The following ANO3 variants were observed in gnomAD, a reference collection of about 807,000 sequenced individuals.
The protein encoded by ANO3 is anoctamin-3.
Under a neutral mutation model 144.8 loss-of-function variants are expected in ANO3, and 99 were observed. The observed-to-expected ratio is 0.68, with a 90% confidence interval of 0.58 to 0.81. The LOEUF (loss-of-function observed/expected upper bound fraction) is 0.81. Among genes scored for constraint, ANO3 ranks in the 30% least tolerant of loss-of-function variants. ANO3 has a pLI of 0.00. For missense variants in ANO3, 905 were observed against 1,202.2 expected, an observed-to-expected ratio of 0.75 and a Z score of 3.66; for synonymous variants, 414 against 392.6, an observed-to-expected ratio of 1.05 and a Z score of -0.64.
In ANO3 at chr11:26,266,432, ATT is replaced by A. The variant is rs201955022; in HGVS notation, c.155-43195_155-43194del. ...AAAGTTAATTCAAACAACAAATGTA[ATT>A]TTTTTTTTTTTTTTTTTGAGACAGA... On this transcript the variant is annotated intron_variant, in intron 1 of 27. Transcript: ENST00000672621. Among the ~76,000 whole-genome samples, 839 of 134,194 alleles carry A rather than the reference ATT, an allele frequency of 6.3e-3. 4 individuals are homozygous for A. The highest frequency in any genetic ancestry group is 0.021 in the African/African-American group (751 of 35,474). The allele number at this position is 134,194 out of a possible 152,430, so 88.0% of individuals were successfully genotyped here.
chr11:26,545,610 A>T (rs148405172), intron 11 of ANO3, among the ~76,000 whole-genome samples: 20 of 152,130 alleles, frequency 1.3e-4, no homozygotes, highest in African/African-American at 4.6e-4. Context: ...TGAAGGAAAC[A>T]ATTCTAAAAG....
intron 4 of ANO3, among the ~76,000 whole-genome samples, chr11:26,487,127 A>T (rs937348240): frequency 3.3e-5 from 5 of 152,130 alleles, no homozygotes; most frequent in African/African-American, 1.2e-4. Flanking sequence ...CTGTGTCCTC[A>T]CCCAAATCCC....
At chr11:26,329,810 A>C (rs1854989940), upstream of ANO3, among the ~76,000 whole-genome samples, 1 of 130,784 alleles carries the variant, frequency 7.6e-6, no homozygotes, top group Non-Finnish European at 1.7e-5. Context: ...AGAGGGACTT[A>C]AATTTTTTTT....
At chr11:26,224,646 A>G (rs1265644535) in intron 1 of ANO3, among the ~76,000 whole-genome samples, 1 of 152,206 alleles carries the variant, frequency 6.6e-6, no homozygotes, top group Non-Finnish European at 1.5e-5. Context: ...GACATTCAGA[A>G]TCTATGGTTG....
chr11:26,324,044 G>A (rs1423273722), intron 1 of ANO3, among the ~76,000 whole-genome samples: 1 of 152,154 alleles, frequency 6.6e-6, no homozygotes, highest in African/African-American at 2.4e-5. Flanking sequence ...ATGTTTATCT[G>A]ATCTGACTCA....
intron 14 of ANO3, among the ~76,000 whole-genome samples, chr11:26,593,937 C>T (rs1565129303): frequency 6.6e-6 from 1 of 152,100 alleles, no homozygotes; most frequent in Non-Finnish European, 1.5e-5. Context: ...AATAGGGTTT[C>T]TAAGTTTTGC....
intron 14 of ANO3, among the ~76,000 whole-genome samples, chr11:26,584,687 G>C (rs1182911824): frequency 6.6e-6 from 1 of 152,194 alleles, no homozygotes; most frequent in Non-Finnish European, 1.5e-5. Flanking sequence ...AAAAAGTGCT[G>C]AAGATGCACA....
chr11:26,417,537 G>C (rs1443065282), intron 1 of ANO3, among the ~76,000 whole-genome samples: 1 of 152,044 alleles, frequency 6.6e-6, no homozygotes, highest in Non-Finnish European at 1.5e-5. Flanking sequence ...AAGTTTATTA[G>C]AGCAACAGAG....
intron 1 of ANO3, among the ~76,000 whole-genome samples, chr11:26,260,396 A>G (rs1853159597): frequency 6.6e-6 from 1 of 152,146 alleles, no homozygotes; most frequent in African/African-American, 2.4e-5. Context: ...AGACATTGAA[A>G]TTTTAAAGAA....
upstream of ANO3, chr11:26,332,055 A>AGCCGCTAAGGGGAGCCG: frequency 1.5e-6 from 2 of 1,377,160 alleles, no homozygotes; most frequent in Non-Finnish European, 1.9e-6. Flanking sequence ...TTCCCAGAGT[A>AGCCGCTAAGGGGAGCCG]GCCGCTAAGG....
intron 1 of ANO3, among the ~76,000 whole-genome samples, chr11:26,228,876 A>C (rs1434833277): frequency 6.6e-6 from 1 of 152,210 alleles, no homozygotes; most frequent in East Asian, 1.9e-4. Context: ...ATCATTTGCC[A>C]AAACAATAGA....
intron 1 of ANO3, among the ~76,000 whole-genome samples, chr11:26,282,312 T>G (rs1424035590): frequency 6.7e-6 from 1 of 149,084 alleles, no homozygotes; most frequent in Non-Finnish European, 1.5e-5. Flanking sequence ...TTTTTTTTGT[T>G]TTTTTTTTTG....
At chr11:26,610,068 C>T (rs531061040) in intron 17 of ANO3, among the ~76,000 whole-genome samples, 1 of 152,302 alleles carries the variant, frequency 6.6e-6, no homozygotes, top group East Asian at 1.9e-4. Flanking sequence ...TGTGCCACCG[C>T]ACCCAGCTAA....
intron 1 of ANO3, among the ~76,000 whole-genome samples, chr11:26,283,696 A>G (rs1853736901): frequency 6.6e-6 from 1 of 152,140 alleles, no homozygotes; most frequent in Non-Finnish European, 1.5e-5. Flanking sequence ...TTCAATAGAG[A>G]CTTTAAAACA....
chr11:26,520,444 C>T (rs1389758762), intron 6 of ANO3, among the ~76,000 whole-genome samples: 3 of 151,994 alleles, frequency 2.0e-5, no homozygotes, highest in African/African-American at 4.8e-5. Flanking sequence ...GAAGTTTCTT[C>T]TTTATAATGT....
chr11:26,205,308 A>T (rs1390337033), intron 1 of ANO3, among the ~76,000 whole-genome samples: 1 of 152,196 alleles, frequency 6.6e-6, no homozygotes, highest in Non-Finnish European at 1.5e-5. Flanking sequence ...CCTGTTAGAC[A>T]TTGTACAGCT....
chr11:26,542,698 C>T (rs112301243), intron 11 of ANO3, among the ~76,000 whole-genome samples: 18 of 152,250 alleles, frequency 1.2e-4, no homozygotes, highest in African/African-American at 4.3e-4. Context: ...ATTCTAGTAA[C>T]TGCCTTCAAC....
At chr11:26,193,578 C>G (rs1489721280) in intron 1 of ANO3, among the ~76,000 whole-genome samples, 1 of 152,122 alleles carries the variant, frequency 6.6e-6, no homozygotes, top group African/African-American at 2.4e-5. Context: ...ATCTCAAAAG[C>G]AAATATACTT....
intron 1 of ANO3, among the ~76,000 whole-genome samples, chr11:26,290,275 A>G (rs1853925409): frequency 6.6e-6 from 1 of 152,004 alleles, no homozygotes; most frequent in Admixed American, 6.6e-5. Context: ...ATCATTTTTT[A>G]TCGCATCTAT....
Sources: gnomAD v4.1 joint callset for allele counts (sites outside exome capture counted in the v4.1 genomes callset) on GRCh38, gnomAD v4.1.1 for gene constraint, MANE v1.5 for transcripts, NCBI Gene and HGNC (gene_info 2026-07-23, HGNC 2026-07-21) for gene names.